PIEZO1: variants seen among roughly 807,000 people sequenced by gnomAD.
PIEZO1 encodes the protein piezo-type mechanosensitive ion channel component 1.
PIEZO1 carries 296 observed loss-of-function variants against 297.2 expected under a neutral mutation model. That is an observed-to-expected ratio of 1.00 (90% CI 0.91 to 1.10). The LOEUF is 1.10. Ranked by LOEUF, PIEZO1 falls within the 50% of genes least tolerant of loss-of-function variation. The probability of loss-of-function intolerance (pLI) is 0.00; values close to 1 mark genes in which losing one functional copy is unlikely to be tolerated. For synonymous variants in PIEZO1, 2,427 were observed against 1,507.5 expected (o/e 1.61, Z -14.13); for missense variants, 5,018 against 3,455.5 (o/e 1.45, Z -11.34).
chr16:88,773,807 T>C (rs193152181), intron 1 of PIEZO1, among the ~76,000 whole-genome samples: 54 of 152,142 alleles, frequency 3.5e-4, no homozygotes, highest in Non-Finnish European at 6.9e-4. Context: ...AGTGTCCTCC[T>C]GGGTGGTCTT....
chr16:88,730,986 ACGCCCCTGAGC>A lies in PIEZO1; in HGVS notation c.3196+709_3196+719del, dbSNP rs368528723. ...TGGGTGCCACTGTGGGGCAGGTGGGACGCCCCTGAGCCGGCCACGTGCACAAATGTGACTCC... is the reference window on the plus strand; with the variant it reads ...TGGGTGCCACTGTGGGGCAGGTGGGACGGCCACGTGCACAAATGTGACTCC... On this transcript the variant is annotated intron_variant, in intron 22 of 50. Transcript: ENST00000301015. Among the ~76,000 whole-genome samples the A allele has an allele frequency of 2.6e-3, 399 of 152,370 alleles. 3 individuals carry two copies. The highest frequency in any genetic ancestry group is 9.3e-3 in the African/African-American group (386 of 41,588).
rs1182190226 is a variant in PIEZO1 at position 88,715,961 on chromosome 16, G to A, written c.7288C>T (p.Pro2430Ser). The part of the protein sequence containing the change: ...MVIFSDKVSP[P>S]SLGFLAGYGI... ...TAGCCAGCCAGGAAGCCGAGGCTCG[G>A]TGGGCTGACCTTGTCACTGAAAATG... The change falls in exon 50 of 51, where the codon CCG (proline) becomes TCG (serine). Residue 2430 changes from proline to serine, a missense_variant. Coordinates refer to ENST00000301015, the MANE Select transcript of PIEZO1 (RefSeq NM_001142864.4). The A allele has an allele frequency of 6.5e-7, 1 of 1,549,812 alleles. No homozygotes were observed.
chr16:88,755,618 T>C (rs1906616587), intron 1 of PIEZO1, among the ~76,000 whole-genome samples: 1 of 152,274 alleles, frequency 6.6e-6, no homozygotes, highest in Admixed American at 6.5e-5. Context: ...ACACTTGCTC[T>C]GTCTGCCTCC....
intron 22 of PIEZO1, among the ~76,000 whole-genome samples, chr16:88,730,528 G>T (rs370829867): frequency 6.6e-6 from 1 of 150,910 alleles, no homozygotes; most frequent in East Asian, 1.9e-4. Context: ...AACCCGGGAG[G>T]CGGAGGCTGC....
Position 88,749,483 on chromosome 16 carries a change from C to T in PIEZO1, c.65-4G>A, listed in dbSNP as rs763630616. 59 of 1,524,018 alleles carry T rather than the reference C, an allele frequency of 3.9e-5. 1 individual carries two copies. Among genetic ancestry groups the T allele is most frequent in the South Asian group, 2.8e-4 (23 of 82,076 alleles). The allele number at this position is 1,524,018 out of a possible 1,614,324, so 94.4% of individuals were successfully genotyped here. ...CCGCTGAAGCGGAGCAGGCAGGCTGCGGGGAGATGGGCGTTAACTAGGTCG... is the reference window on the plus strand; with the variant it reads ...CCGCTGAAGCGGAGCAGGCAGGCTGTGGGGAGATGGGCGTTAACTAGGTCG... On this transcript the variant is annotated splice_region_variant and splice_polypyrimidine_tract_variant and intron_variant, in intron 1 of 50. Transcript: ENST00000301015.
At chr16:88,784,870 C>T in intron 1 of PIEZO1, 31 bp downstream of exon 1, 1 of 1,404,668 alleles carries the variant, frequency 7.1e-7, no homozygotes, top group East Asian at 3.3e-5. Flanking sequence ...AGCCCCCTCC[C>T]GTCGCCCCCA....
chr16:88,741,559 G>C lies in PIEZO1; in HGVS notation c.384C>G (p.Ile128Met). Residue 128 changes from isoleucine to methionine, a missense_variant, in exon 5 of 51, where the codon ATC (isoleucine) becomes ATG (methionine). Transcript: ENST00000301015. The stretch of plus-strand genomic sequence containing the variant: ...CGAGGCAGACAGAGGAGACCACCAA[G>C]ATGCCCAGGTCAGGGGCCACCAGCC... ...AIRLVAPDLG[I>M]LVVSSVCLGI... 1 of 1,535,798 alleles carries C rather than the reference G, an allele frequency of 6.5e-7. No homozygotes were observed. The highest frequency in any genetic ancestry group is 1.2e-5 in the South Asian group (1 of 84,048).
chr16:88,774,944 G>A (rs1303369711), intron 1 of PIEZO1, among the ~76,000 whole-genome samples: 7 of 152,206 alleles, frequency 4.6e-5, no homozygotes, highest in South Asian at 2.1e-4. Context: ...AAAAACAGGC[G>A]CAAAGATAGT....
Position 88,734,804 on chromosome 16 carries a change from G to C in PIEZO1, c.1849-6C>G. 1.3e-6 allele frequency: 2 copies of C among 1,550,280 alleles called. No individual in the cohort carries two copies. The highest frequency in any genetic ancestry group is 1.2e-5 in the South Asian group (1 of 84,064). ...CGCCACAGGCTGTAGTAGACCTGCC[G>C]GGTGAGGTGGGGGTGGTGAGGACCG... On this transcript the variant is annotated splice_region_variant and splice_polypyrimidine_tract_variant and intron_variant, in intron 14 of 50. Transcript: ENST00000301015.
intron 26 of PIEZO1, 31 bp from the exon 27 acceptor site, chr16:88,726,486 C>T (rs1216648731): frequency 1.6e-5 from 24 of 1,548,126 alleles, no homozygotes; most frequent in South Asian, 2.4e-5. Context: ...AGGGTCAGGC[C>T]CAGGGCCCAG....
At chr16:88,752,272 C>T (rs1906428535) in intron 1 of PIEZO1, among the ~76,000 whole-genome samples, 1 of 152,156 alleles carries the variant, frequency 6.6e-6, no homozygotes, top group Admixed American at 6.5e-5. Flanking sequence ...CACTTGAGCC[C>T]AGGAGTTCGA....
rs36067616 is a variant in PIEZO1 at position 88,734,397 on chromosome 16, G to A, written c.2139C>T (p.His713=). Reference sequence around the variant, plus strand: ...GGAGGCGCGTGCCAGGCAGGGACACGTGCTCCATGTCGGTGAGCTGCATGA... The same window carrying A: ...GGAGGCGCGTGCCAGGCAGGGACACATGCTCCATGTCGGTGAGCTGCATGA... ...RPFMQLTDME[H]VSLPGTRLPR... The change falls in exon 16 of 51, where the codon CAC becomes CAT. Residue 713 remains histidine, a synonymous_variant. Coordinates refer to ENST00000301015, the MANE Select transcript of PIEZO1 (RefSeq NM_001142864.4). The A allele has an allele frequency of 7.2e-3, 11,101 of 1,548,462 alleles. 60 individuals carry two copies. The highest frequency in any genetic ancestry group is 8.1e-3 in the Non-Finnish European group (9,328 of 1,145,824).
At chr16:88,726,513 C>T in intron 26 of PIEZO1, 34 bp downstream of exon 26, 14 of 1,546,396 alleles carry the variant, frequency 9.1e-6, no homozygotes, top group Non-Finnish European at 1.2e-5. Context: ...GGGGCTTCCC[C>T]ACGCCCTCCC....
rs1002724590 is a variant in PIEZO1 at position 88,749,285 on chromosome 16, C to T, written c.160+99G>A. 110 of 720,498 alleles carry T rather than the reference C, an allele frequency of 1.5e-4. 1 individual carries two copies. Among genetic ancestry groups the T allele is most frequent in the South Asian group, 2.8e-4 (13 of 45,632 alleles). 44.6% of individuals were successfully genotyped at this position (720,498 alleles called of 1,614,324 possible). ...TTTCGGGACCCCTCATCTTCCACCC[C>T]GGGCTGTTAAAGGTGAGGAAAGCTG... is the stretch of plus-strand genomic sequence containing the variant. On this transcript the variant is annotated intron_variant, in intron 2 of 50. Transcript: ENST00000301015.
intron 1 of PIEZO1, among the ~76,000 whole-genome samples, chr16:88,784,111 C>T (rs986579607): frequency 6.6e-6 from 1 of 152,242 alleles, no homozygotes; most frequent in African/African-American, 2.4e-5. Context: ...AGCACCAAGC[C>T]ACCCGGGTGT....
chr16:88,721,060 G>A (rs1259968978), intron 39 of PIEZO1, 106 bp downstream of exon 39: 4 of 1,152,590 alleles, frequency 3.5e-6, no homozygotes, highest in African/African-American at 3.1e-5. Context: ...GGATCCAGGT[G>A]GGCCTCGCAC....
intron 1 of PIEZO1, among the ~76,000 whole-genome samples, chr16:88,765,252 C>T (rs1203242758): frequency 1.3e-5 from 2 of 152,156 alleles, no homozygotes; most frequent in Non-Finnish European, 2.9e-5. Flanking sequence ...GGGGAGTCAC[C>T]AGCCACTCGG....
chr16:88,732,778 C>A (rs1054736564), intron 19 of PIEZO1, 46 bp from the exon 20 acceptor site: 4 of 1,494,220 alleles, frequency 2.7e-6, no homozygotes, highest in Non-Finnish European at 2.7e-6. Context: ...GCCACAGTGC[C>A]CCCTGGCCCT....
intron 36 of PIEZO1, 69 bp from the exon 37 acceptor site, chr16:88,722,135 C>A (rs892047538): frequency 1.3e-6 from 2 of 1,521,186 alleles, no homozygotes; most frequent in Admixed American, 2.0e-5. Context: ...GATCTGTTGC[C>A]GGTCACAGTC....
Sources: gnomAD v4.1 joint callset for allele counts (sites outside exome capture counted in the v4.1 genomes callset) on GRCh38, gnomAD v4.1.1 for gene constraint, MANE v1.5 for transcripts, NCBI Gene and HGNC (gene_info 2026-07-23, HGNC 2026-07-21) for gene names.